CEP192: variants seen among roughly 807,000 people sequenced by gnomAD.
The protein encoded by CEP192 is centrosomal protein 192, also known as centrosomal protein of 192 kDa.
CEP192 carries 151 observed loss-of-function variants against 271.8 expected under a neutral mutation model. The ratio of observed to expected loss-of-function variants is 0.56; its 90% confidence interval spans 0.49 to 0.64. CEP192 has a LOEUF of 0.64. CEP192 is among the 30% of genes least tolerant of loss of function. CEP192 has a pLI of 0.00. For missense variants in CEP192, 2,910 were observed against 3,020.5 expected (o/e 0.96, Z 0.86); for synonymous variants, 995 against 1,076.5 (o/e 0.92, Z 1.48).
intron 2 of CEP192, 101 bp from the exon 3 acceptor site, chr18:13,001,356 C>A: frequency 2.7e-6 from 2 of 734,864 alleles, no homozygotes; most frequent in Non-Finnish European, 4.3e-6. Context: ...TTTGTTTTTA[C>A]CCCGGTGGTT....
chr18:13,000,004 G>A (rs1315614383), intron 2 of CEP192, among the ~76,000 whole-genome samples: 2 of 149,380 alleles, frequency 1.3e-5, no homozygotes, highest in Non-Finnish European at 3.0e-5. Context: ...TGCAAGAAGG[G>A]ACAGGAATTG....
chr18:13,084,342 C>T (rs550668251), intron 30 of CEP192, among the ~76,000 whole-genome samples: 8 of 152,284 alleles, frequency 5.3e-5, no homozygotes, highest in South Asian at 2.1e-4. Context: ...GGATGCCCCT[C>T]CCCCCGTCAG....
intron 30 of CEP192, among the ~76,000 whole-genome samples, chr18:13,073,502 C>T (rs2038118909): frequency 6.6e-6 from 1 of 152,244 alleles, no homozygotes; most frequent in African/African-American, 2.4e-5. Flanking sequence ...AAGATATTAA[C>T]TTTCCCATTA....
chr18:13,072,765 C>T lies in CEP192; in HGVS notation c.5359C>T (p.Leu1787=), dbSNP rs1175397013. The change falls in exon 29 of 45, where the codon CTA becomes TTA. Residue 1787 remains leucine (L), a synonymous_variant. Coordinates refer to ENST00000506447, the MANE Select transcript of CEP192 (RefSeq NM_032142.4). ...VPLGRTQLQK[L]ALRNNSASTT... is the part of the protein sequence containing the mutation. ...TCTAATTGTTTTTAGGCTTCAGAAA[C>T]TAGCTTTAAGAAATAATTCTGCATC... The T allele has an allele frequency of 5.0e-6, 8 of 1,602,842 alleles. No individual in the cohort carries two copies. Among genetic ancestry groups the T allele is most frequent in the African/African-American group, 1.3e-5 (1 of 74,658 alleles).
At chr18:13,090,423 A>C (rs2039086818) in intron 33 of CEP192, among the ~76,000 whole-genome samples, 1 of 152,222 alleles carries the variant, frequency 6.6e-6, no homozygotes, top group Non-Finnish European at 1.5e-5. Context: ...GCATATACAC[A>C]CCAAAATAAT....
At chr18:13,065,936 C>T (rs1300870170) in intron 21 of CEP192, among the ~76,000 whole-genome samples, 1 of 152,176 alleles carries the variant, frequency 6.6e-6, no homozygotes, top group Non-Finnish European at 1.5e-5. Context: ...GTTAACTCGA[C>T]GTCCTTGAAT....
rs1227063036 is a variant in CEP192, at chr18:13,068,707, C to T, written c.4823-145C>T. ...CTTTCTTTTATCACCTTTCTCTTCA[C>T]TCATTTCTATTCTTTTAACTCTTTA... On this transcript the variant is annotated intron_variant, in intron 24 of 44. Transcript: ENST00000506447. 4 of 747,234 alleles carry T rather than the reference C, an allele frequency of 5.4e-6. No individual in the cohort carries two copies. In the Admixed American group the frequency reaches 8.4e-5, roughly 16 times the overall value. The allele number at this position is 747,234 out of a possible 1,614,324, so 46.3% of individuals were successfully genotyped here.
At chr18:13,113,564 C>A (rs774306040) in intron 40 of CEP192, 22 bp from the exon 41 acceptor site, 1 of 1,610,238 alleles carries the variant, frequency 6.2e-7, no homozygotes, top group Non-Finnish European at 8.5e-7. Context: ...GTCTAAATTT[C>A]TCTTCTGTAT....
chr18:13,071,353 A>T (rs78491399), intron 28 of CEP192, 141 bp downstream of exon 28: 26,707 of 662,236 alleles, frequency 0.04, 666 homozygotes, highest in Middle Eastern at 0.076. Context: ...CTAGATGGGC[A>T]CGTGTCCTGA....
At chr18:13,124,245 C>T (rs1032520704) in intron 44 of CEP192, among the ~76,000 whole-genome samples, 60 of 152,128 alleles carry the variant, frequency 3.9e-4, no homozygotes, top group African/African-American at 1.3e-3. Context: ...TTTAATCTTT[C>T]CAGTGCAATA....
chr18:13,018,021 A>G (rs2034760312), intron 7 of CEP192, among the ~76,000 whole-genome samples: 1 of 152,168 alleles, frequency 6.6e-6, no homozygotes, highest in Admixed American at 6.5e-5. Context: ...TCTCCTGACT[A>G]GATTAGATTA....
chr18:13,023,519 G>GT (rs1353071395), intron 9 of CEP192, among the ~76,000 whole-genome samples: 34 of 146,522 alleles, frequency 2.3e-4, no homozygotes, highest in East Asian at 6.0e-4. Context: ...GCATGATTTT[G>GT]TTTTTTTTGT....
At chr18:13,078,244 C>G (rs984248411) in intron 30 of CEP192, among the ~76,000 whole-genome samples, 8 of 152,092 alleles carry the variant, frequency 5.3e-5, no homozygotes, top group African/African-American at 1.9e-4. Flanking sequence ...CATCCATGTC[C>G]CTGCAAAGGA....
rs1278315564 is a variant in CEP192 at position 13,117,582 on chromosome 18, C to T, written c.7417-3C>T. Reference sequence around the variant, plus strand: ...TTATAAAGTGTCTTCTATTAAATTCCAGCTGAAGTTTTTGAGTCCCAGAGA... The same window carrying T: ...TTATAAAGTGTCTTCTATTAAATTCTAGCTGAAGTTTTTGAGTCCCAGAGA... On this transcript the variant is annotated splice_polypyrimidine_tract_variant and splice_region_variant and intron_variant, in intron 43 of 44. Coordinates refer to ENST00000506447, the MANE Select transcript of CEP192 (RefSeq NM_032142.4). The T allele has an allele frequency of 1.2e-6, 2 of 1,603,230 alleles. No homozygotes were observed. The highest frequency in any genetic ancestry group is 1.7e-6 in the Non-Finnish European group (2 of 1,170,568).
chr18:13,077,805 G>C (rs993307999), intron 30 of CEP192, among the ~76,000 whole-genome samples: 1 of 152,102 alleles, frequency 6.6e-6, no homozygotes, highest in African/African-American at 2.4e-5. Context: ...AAAAGGTTCA[G>C]AATTACTGAG....
chr18:13,083,323 T>A (rs2038724253), intron 30 of CEP192, among the ~76,000 whole-genome samples: 1 of 152,218 alleles, frequency 6.6e-6, no homozygotes, highest in African/African-American at 2.4e-5. Context: ...TTCTTTTTAC[T>A]TTTTGTCCTA....
At position 13,053,085 on chromosome 18, in the gene CEP192, C is replaced by T. The variant is rs781491201; in HGVS notation, c.3184C>T (p.Arg1062Cys). The T allele has an allele frequency of 1.1e-5, 18 of 1,600,154 alleles. No homozygotes were observed. The highest frequency in any genetic ancestry group is 8.1e-5 in the African/African-American group (6 of 74,334). Residue 1062 changes from arginine (R) to cysteine (C), a missense_variant, in exon 18 of 45, where the codon CGC becomes TGC. Coordinates refer to ENST00000506447, the MANE Select transcript of CEP192 (RefSeq NM_032142.4). ...TTATDDALED[R>C]KSDITSELST... ...AGCCACAGATGATGCCCTGGAGGAC[C>T]GCAAGGTGGGCAGCCACTTGGATTA...
intron 9 of CEP192, among the ~76,000 whole-genome samples, chr18:13,028,682 G>A (rs1203043070): frequency 6.6e-6 from 1 of 152,058 alleles, no homozygotes; most frequent in Non-Finnish European, 1.5e-5. Flanking sequence ...ACCACGCCCG[G>A]CTAATTTTTG....
intron 7 of CEP192, among the ~76,000 whole-genome samples, chr18:13,017,746 C>T (rs1011819421): frequency 6.6e-6 from 1 of 152,124 alleles, no homozygotes; most frequent in African/African-American, 2.4e-5. Flanking sequence ...ATTCTGTTAC[C>T]TAACTTTGAT....
Sources: allele counts gnomAD v4.1 joint callset (sites outside exome capture counted in the v4.1 genomes callset), GRCh38; gene constraint gnomAD v4.1.1; transcripts MANE v1.5; gene names NCBI Gene and HGNC (gene_info 2026-07-23, HGNC 2026-07-21).